Variants in SPIN1 observed in about 807,000 individuals in gnomAD.
SPIN1 encodes the protein spindlin-1.
SPIN1 carries 3 observed loss-of-function variants against 26.0 expected under a neutral mutation model. The observed-to-expected ratio is 0.12, with a 90% confidence interval of 0.05 to 0.30. The LOEUF is 0.30. Ranked by LOEUF, SPIN1 falls within the 10% of genes least tolerant of loss-of-function variation. The pLI is 1.00. For synonymous variants in SPIN1, 101 were observed against 116.5 expected (o/e 0.87, Z 0.86); for missense variants, 126 against 333.4 (o/e 0.38, Z 4.84).
chr9:88,393,955 C>G (rs1187529281), intron 1 of SPIN1, among the ~76,000 whole-genome samples: 1 of 152,118 alleles, frequency 6.6e-6, no homozygotes, highest in African/African-American at 2.4e-5. Context: ...TCAAGCTATT[C>G]TCCTGGCTCA....
In SPIN1 at chr9:88,462,526, A is replaced by G; in HGVS notation, c.132A>G (p.Lys44=). 6.2e-7 allele frequency: 1 copy of G among 1,614,064 alleles called. No homozygotes were observed. The highest frequency in any genetic ancestry group is 1.1e-5 in the South Asian group (1 of 91,070). Reference sequence around the variant, plus strand: ...ATCGGAGCAGTGTGGGTCCGAGCAAACCTGTTTCCCAGCCCCGGCGGAACA... The same window carrying G: ...ATCGGAGCAGTGTGGGTCCGAGCAAGCCTGTTTCCCAGCCCCGGCGGAACA... ...KKHRSSVGPS[K]PVSQPRRNIV... Residue 44 remains lysine, a synonymous_variant, in exon 4 of 6, where the codon AAA becomes AAG. Transcript: ENST00000375859.
rs907315199 is a variant in SPIN1, at chr9:88,449,025, T to G, written c.101+36T>G. On this transcript the variant is annotated intron_variant, in intron 3 of 5. Coordinates refer to ENST00000375859, the MANE Select transcript of SPIN1 (RefSeq NM_006717.3). ...CTGAAACTGGTTCTAGATAGTGTTT[T>G]GTGACCTTTTGTTACGCAGCATACA... 3.7e-6 allele frequency: 6 copies of G among 1,605,166 alleles called. No individual in the cohort carries two copies. The Admixed American group carries it at 5.0e-5, about 13-fold the overall frequency.
At chr9:88,439,322 TAAC>T (rs1024273895) in intron 2 of SPIN1, among the ~76,000 whole-genome samples, 1 of 152,186 alleles carries the variant, frequency 6.6e-6, no homozygotes, top group Non-Finnish European at 1.5e-5. Context: ...ATGATGATGA[TAAC>T]AAACACAGAT....
intron 2 of SPIN1, among the ~76,000 whole-genome samples, chr9:88,434,735 T>A (rs76778968): frequency 0.026 from 4,004 of 152,218 alleles, 175 homozygotes; most frequent in African/African-American, 0.092. Flanking sequence ...ACGTGTGAGT[T>A]GTTTCTACTC....
chr9:88,399,704 C>A (rs1827145957), intron 1 of SPIN1, among the ~76,000 whole-genome samples: 2 of 152,016 alleles, frequency 1.3e-5, no homozygotes, highest in Admixed American at 6.6e-5. Context: ...TCTTCTGCAC[C>A]CTTCAGTTGC....
intron 1 of SPIN1, among the ~76,000 whole-genome samples, chr9:88,393,129 G>T (rs1587767379): frequency 1.5e-5 from 2 of 134,690 alleles, no homozygotes; most frequent in South Asian, 2.3e-4. Context: ...TATGTTAAAT[G>T]TGCTTTTTTT....
At chr9:88,455,604 A>G (rs1828455218) in intron 3 of SPIN1, among the ~76,000 whole-genome samples, 1 of 152,180 alleles carries the variant, frequency 6.6e-6, no homozygotes, top group Non-Finnish European at 1.5e-5. Flanking sequence ...ATTTTAAAAA[A>G]CTTTTTCCTA....
At chr9:88,422,256 G>A (rs181005031) in intron 1 of SPIN1, among the ~76,000 whole-genome samples, 4 of 152,196 alleles carry the variant, frequency 2.6e-5, no homozygotes, top group Admixed American at 6.5e-5. Context: ...AATATTTTCC[G>A]TAACACTTGA....
chr9:88,397,958 G>A (rs1827101561), intron 1 of SPIN1, among the ~76,000 whole-genome samples: 1 of 151,530 alleles, frequency 6.6e-6, no homozygotes, highest in Non-Finnish European at 1.5e-5. Flanking sequence ...TCTCACTCCA[G>A]TTGCCTAGGC....
At chr9:88,451,399 T>C (rs1290075597) in intron 3 of SPIN1, among the ~76,000 whole-genome samples, 3 of 152,118 alleles carry the variant, frequency 2.0e-5, no homozygotes, top group Admixed American at 2.0e-4. Flanking sequence ...CAGGAAACAT[T>C]ATATAGCTGG....
chr9:88,411,338 T>G, intron 1 of SPIN1: 1 of 1,488,692 alleles, frequency 6.7e-7, no homozygotes, highest in Non-Finnish European at 9.3e-7. Flanking sequence ...TACCACACAG[T>G]CCGTGAGTGT....
intron 2 of SPIN1, among the ~76,000 whole-genome samples, chr9:88,428,014 G>C (rs1827796094): frequency 6.6e-6 from 1 of 152,088 alleles, no homozygotes; most frequent in African/African-American, 2.4e-5. Context: ...ATAATGTTTA[G>C]AATAAGATAT....
At chr9:88,411,432 C>G (rs954251440) in intron 1 of SPIN1, 25 of 1,562,230 alleles carry the variant, frequency 1.6e-5, no homozygotes, top group Middle Eastern at 2.3e-4. Context: ...CTCAGCTGTT[C>G]GGGCTCTTTA....
At chr9:88,411,521 C>CTT in intron 1 of SPIN1, 3 of 680,976 alleles carry the variant, frequency 4.4e-6, no homozygotes, top group Non-Finnish European at 5.0e-6. Context: ...GGGCAGAAAG[C>CTT]TTTTTTTTTG....
intron 2 of SPIN1, among the ~76,000 whole-genome samples, chr9:88,438,979 A>G (rs1226615477): frequency 6.6e-6 from 1 of 152,146 alleles, no homozygotes; most frequent in Admixed American, 6.6e-5. Context: ...TAGAGGAAAC[A>G]CTTTAAAAAA....
chr9:88,427,714 G>C (rs1433389219), intron 2 of SPIN1, among the ~76,000 whole-genome samples: 1 of 151,204 alleles, frequency 6.6e-6, no homozygotes, highest in African/African-American at 2.4e-5. Context: ...CTCCTGCCTT[G>C]GTCTCCCCAG....
intron 1 of SPIN1, among the ~76,000 whole-genome samples, chr9:88,417,456 ATTTAT>A (rs1827591024): frequency 6.6e-6 from 1 of 152,028 alleles, no homozygotes; most frequent in Non-Finnish European, 1.5e-5. Context: ...AGTCCAGGTT[ATTTAT>A]TTTATTTATT....
At chr9:88,418,590 A>AGCACTGT (rs1450600566) in intron 1 of SPIN1, among the ~76,000 whole-genome samples, 2 of 152,230 alleles carry the variant, frequency 1.3e-5, no homozygotes, top group Non-Finnish European at 2.9e-5. Flanking sequence ...TTTTATAAAT[A>AGCACTGT]GCACTGTTCA....
chr9:88,465,222 GCTC>G lies in SPIN1; in HGVS notation c.355+2476_355+2478del, dbSNP rs1426521704. Among the ~76,000 whole-genome samples the G allele has an allele frequency of 2.6e-5, 4 of 152,284 alleles. No homozygotes were observed. In the East Asian group the frequency reaches 7.7e-4, roughly 29 times the overall value. The stretch of plus-strand genomic sequence containing the variant: ...TGTACCATGTAAAATTGTGAATAGT[GCTC>G]CTGTAAACATGGATATGCAGATATT... On this transcript the variant is annotated intron_variant, in intron 4 of 5. Coordinates refer to ENST00000375859, the MANE Select transcript of SPIN1 (RefSeq NM_006717.3).
Sources: gnomAD v4.1 joint callset for allele counts (sites outside exome capture counted in the v4.1 genomes callset) on GRCh38, gnomAD v4.1.1 for gene constraint, MANE v1.5 for transcripts, NCBI Gene and HGNC (gene_info 2026-07-23, HGNC 2026-07-21) for gene names.